DSE: variants seen among roughly 807,000 people sequenced by gnomAD.
DSE encodes dermatan sulfate epimerase.
A neutral mutation model predicts 84.4 loss-of-function variants in DSE; 36 were observed. That is an observed-to-expected ratio of 0.43 (90% confidence interval 0.33 to 0.56). The LOEUF (loss-of-function observed/expected upper bound fraction) is 0.56, where lower values mean the gene tolerates loss of function less well. Ranked by LOEUF, DSE falls within the 20% of genes least tolerant of loss-of-function variation. The pLI, the probability that DSE is intolerant of heterozygous loss-of-function variation, is 0.06. For synonymous variants in DSE, 410 were observed against 430.1 expected, an observed-to-expected ratio of 0.95 and a Z score of 0.58; for missense variants, 862 against 1,169.6, an observed-to-expected ratio of 0.74 and a Z score of 3.84.
At chr6:116,375,949 A>G (rs1779898094) in intron 1 of DSE, among the ~76,000 whole-genome samples, 1 of 152,230 alleles carries the variant, frequency 6.6e-6, no homozygotes, top group Non-Finnish European at 1.5e-5. Context: ...TTTTCAAGTC[A>G]TTAGTGGTAT....
At chr6:116,346,813 A>T (rs992238825) in intron 2 of DSE, among the ~76,000 whole-genome samples, 2 of 152,338 alleles carry the variant, frequency 1.3e-5, no homozygotes, top group South Asian at 4.1e-4. Context: ...TGGATTAGGA[A>T]AAGAGGAAGT....
intron 2 of DSE, chr6:116,279,822 G>A (rs879016495): frequency 6.2e-7 from 1 of 1,613,018 alleles, no homozygotes; most frequent in African/African-American, 1.3e-5. Flanking sequence ...CCCCATCCAG[G>A]CCGCTCATGT....
At chr6:116,258,803 C>T (rs1316761221) in exon 2 of DSE, 1 of 1,609,456 alleles carries the variant, frequency 6.2e-7, no homozygotes, top group African/African-American at 1.3e-5. Flanking sequence ...GGGTTCTCGC[C>T]TGTGAGCAGG....
intron 2 of DSE, among the ~76,000 whole-genome samples, chr6:116,314,884 T>G (rs1775877095): frequency 6.6e-6 from 1 of 152,220 alleles, no homozygotes; most frequent in Non-Finnish European, 1.5e-5. Context: ...CTCTCAGGGA[T>G]GCTAAATAAA....
chr6:116,358,004 G>A (rs1182183898), intron 2 of DSE, among the ~76,000 whole-genome samples: 1 of 152,226 alleles, frequency 6.6e-6, no homozygotes, highest in Non-Finnish European at 1.5e-5. Flanking sequence ...ATAAGAGTAT[G>A]TGAATAAATC....
chr6:116,345,805 C>T (rs1777923381), intron 2 of DSE, among the ~76,000 whole-genome samples: 1 of 152,130 alleles, frequency 6.6e-6, no homozygotes, highest in Non-Finnish European at 1.5e-5. Flanking sequence ...ACAGAAAACC[C>T]TTCAAAAAAT....
chr6:116,299,934 G>T (rs558038284), intron 2 of DSE, among the ~76,000 whole-genome samples: 3 of 152,226 alleles, frequency 2.0e-5, no homozygotes, highest in African/African-American at 7.2e-5. Context: ...TGTGGGCAAG[G>T]ATAACATGCA....
At chr6:116,357,068 T>C (rs1778615365) in intron 2 of DSE, among the ~76,000 whole-genome samples, 1 of 152,140 alleles carries the variant, frequency 6.6e-6, no homozygotes, top group Non-Finnish European at 1.5e-5. Context: ...ATTCTACTTA[T>C]TTGAGTAGTG....
chr6:116,426,769 T>C lies in DSE; in HGVS notation c.612T>C (p.Asn204=), dbSNP rs1195475015. ...RRGWGFQYLH[N]HQPTNCMALL... ...GATGGGGATTTCAATACCTGCACAA[T>C]CATCAGCCCACCAACTGTATGGCTT... is the stretch of plus-strand genomic sequence containing the variant. The change falls in exon 3 of 6, where the codon AAT becomes AAC. Residue 204 remains asparagine (N), a synonymous_variant. Coordinates refer to ENST00000644252, the MANE Select transcript of DSE (RefSeq NM_013352.4). 6.2e-7 allele frequency: 1 copy of C among 1,614,154 alleles called. No individual in the cohort carries two copies. Among genetic ancestry groups the C allele is most frequent in the Non-Finnish European group, 8.5e-7 (1 of 1,180,016 alleles).
chr6:116,295,409 TTTTCCTATTTAAAA>T (rs1774601955), intron 2 of DSE, among the ~76,000 whole-genome samples: 1 of 152,194 alleles, frequency 6.6e-6, no homozygotes, highest in Admixed American at 6.5e-5. Flanking sequence ...CATTGATTTT[TTTTCCTATTTAAAA>T]TTTCCTATTT....
At chr6:116,434,576 C>T (rs2115090601) in intron 5 of DSE, among the ~76,000 whole-genome samples, 1 of 152,254 alleles carries the variant, frequency 6.6e-6, no homozygotes, top group South Asian at 2.1e-4. Flanking sequence ...AAGCTAACTA[C>T]AGGATTAATA....
chr6:116,305,128 A>G (rs1051731035), intron 2 of DSE, among the ~76,000 whole-genome samples: 3 of 151,628 alleles, frequency 2.0e-5, no homozygotes, highest in African/African-American at 7.3e-5. Flanking sequence ...ATTAGAATCA[A>G]ACTTTCCTTT....
intron 2 of DSE, among the ~76,000 whole-genome samples, chr6:116,310,559 A>G (rs2114729847): frequency 6.6e-6 from 1 of 152,224 alleles, no homozygotes; most frequent in East Asian, 1.9e-4. Flanking sequence ...CATTCAGTTC[A>G]GGAAAAAAAC....
intron 1 of DSE, among the ~76,000 whole-genome samples, chr6:116,258,070 G>A (rs1470377949): frequency 6.6e-6 from 1 of 152,170 alleles, no homozygotes; most frequent in African/African-American, 2.4e-5. Flanking sequence ...CCAGGCTGGA[G>A]TGCAGTGGCA....
intron 2 of DSE, chr6:116,259,035 A>G (rs1582901660): frequency 4.4e-5 from 66 of 1,510,880 alleles, no homozygotes; most frequent in Non-Finnish European, 6.0e-5. Context: ...TGATGTGCAC[A>G]TCATCAGTGC....
intron 2 of DSE, among the ~76,000 whole-genome samples, chr6:116,347,972 A>G (rs1000130295): frequency 5.9e-5 from 9 of 152,234 alleles, no homozygotes; most frequent in Non-Finnish European, 7.3e-5. Flanking sequence ...AACCCCATCA[A>G]AAAGTGGGTG....
At chr6:116,351,568 A>G (rs1171988759) in intron 2 of DSE, among the ~76,000 whole-genome samples, 3 of 152,138 alleles carry the variant, frequency 2.0e-5, no homozygotes, top group Non-Finnish European at 2.9e-5. Context: ...TTATTTATTA[A>G]TAACTATTAT....
intron 2 of DSE, among the ~76,000 whole-genome samples, chr6:116,424,630 G>C (rs1377372470): frequency 6.6e-6 from 1 of 152,032 alleles, no homozygotes; most frequent in Non-Finnish European, 1.5e-5. Context: ...ATCCAATTGC[G>C]AATACAATAG....
chr6:116,256,282 T>C (rs1481119045), intron 1 of DSE: 1 of 152,244 alleles, frequency 6.6e-6, no homozygotes, highest in Non-Finnish European at 1.5e-5. Context: ...GGAAACATCA[T>C]ACAGTACATC....
Sources: allele counts gnomAD v4.1 joint callset (sites outside exome capture counted in the v4.1 genomes callset), GRCh38; gene constraint gnomAD v4.1.1; transcripts MANE v1.5; gene names NCBI Gene and HGNC (gene_info 2026-07-23, HGNC 2026-07-21).